GLB1: variants seen among roughly 807,000 people sequenced by gnomAD.
The protein encoded by GLB1 is galactosidase beta 1, also known as beta-galactosidase.
Under a neutral mutation model 74.0 loss-of-function variants are expected in GLB1, and 56 were observed. That is an observed-to-expected ratio of 0.76 (90% CI 0.61 to 0.94). GLB1 has a LOEUF of 0.94. Ranked by LOEUF, GLB1 falls within the 40% of genes least tolerant of loss-of-function variation. GLB1 has a pLI of 0.00. For missense variants in GLB1, 787 were observed against 845.5 expected (o/e 0.93, Z 0.86); for synonymous variants, 323 against 323.6 (o/e 1.00, Z 0.02).
intron 7 of GLB1, among the ~76,000 whole-genome samples, chr3:33,053,134 A>G (rs1359423959): frequency 2.0e-5 from 3 of 152,226 alleles, no homozygotes; most frequent in Non-Finnish European, 4.4e-5. Context: ...CACTGGCTAT[A>G]TGACCCTGGC....
chr3:33,091,417 C>T, intron 1 of GLB1: 2 of 985,550 alleles, frequency 2.0e-6, no homozygotes, highest in Non-Finnish European at 2.4e-6. Flanking sequence ...TGCTTTGACA[C>T]ATCACCTGCC....
chr3:32,999,620 C>T (rs994478297), intron 15 of GLB1, among the ~76,000 whole-genome samples: 1 of 152,088 alleles, frequency 6.6e-6, no homozygotes, highest in Non-Finnish European at 1.5e-5. Flanking sequence ...TCTGGGTTAG[C>T]GTTGGTCAGA....
chr3:33,090,945 A>C (rs1700733000), intron 1 of GLB1: 2 of 985,266 alleles, frequency 2.0e-6, no homozygotes, highest in African/African-American at 3.5e-5. Context: ...AATAGGACTT[A>C]ATGAAAGCTA....
chr3:33,063,088 G>A (rs2125539890), intron 5 of GLB1, among the ~76,000 whole-genome samples: 1 of 152,262 alleles, frequency 6.6e-6, no homozygotes, highest in Middle Eastern at 3.4e-3. Flanking sequence ...CAGACAGAAG[G>A]AACACGTATA....
downstream of GLB1, among the ~76,000 whole-genome samples, chr3:32,993,111 A>T (rs1194595390): frequency 1.3e-5 from 2 of 152,240 alleles, no homozygotes; most frequent in African/African-American, 4.8e-5. Flanking sequence ...TAAAGGAGAG[A>T]AATAAAGACC....
intron 15 of GLB1, among the ~76,000 whole-genome samples, chr3:33,006,708 A>G (rs929234491): frequency 5.3e-4 from 80 of 152,326 alleles, no homozygotes; most frequent in African/African-American, 1.9e-3. Flanking sequence ...CGACTCAAGT[A>G]AAGCCAGTGT....
At chr3:33,074,385 G>GAAAGA (rs1338351259) in intron 1 of GLB1, among the ~76,000 whole-genome samples, 17 of 19,870 alleles carry the variant, frequency 8.6e-4, no homozygotes, top group South Asian at 3.3e-3. Flanking sequence ...AGGAAGGAAG[G>GAAAGA]AAGGAAGAAA....
In GLB1 at chr3:33,046,179, G is replaced by A. The variant is rs376034559; in HGVS notation, c.1009C>T (p.Leu337=). The change falls in exon 10 of 16, where the codon CTG becomes TTG. Residue 337 remains leucine (L), a synonymous_variant. Coordinates refer to ENST00000307363, the MANE Select transcript of GLB1 (RefSeq NM_000404.4). The part of the protein sequence containing the change: ...QPTSYDYDAP[L]SEAGDLTEKY... Reference sequence around the variant, plus strand: ...TCAGTGAGGTCCCCAGCCTCACTCAGTGGGGCATCATAGTCGTAGCTGGTG... The same window carrying A: ...TCAGTGAGGTCCCCAGCCTCACTCAATGGGGCATCATAGTCGTAGCTGGTG... 5.6e-6 allele frequency: 9 copies of A among 1,613,928 alleles called. No homozygotes were observed. The African/African-American group carries it at 1.2e-4, about 22-fold the overall frequency.
At chr3:33,021,805 C>G in intron 11 of GLB1, 150 bp from the exon 12 acceptor site, 1 of 866,946 alleles carries the variant, frequency 1.2e-6, no homozygotes, top group Non-Finnish European at 1.9e-6. Flanking sequence ...GTATTGCTTC[C>G]CAGTCTCCTT....
chr3:33,028,669 T>A (rs543201055), intron 10 of GLB1, among the ~76,000 whole-genome samples: 52 of 144,690 alleles, frequency 3.6e-4, no homozygotes, highest in East Asian at 3.1e-3. Context: ...CCCAAAAATT[T>A]TTTTTTTTTT....
At chr3:33,071,687 C>G (rs1230817669) in intron 2 of GLB1, among the ~76,000 whole-genome samples, 2 of 148,480 alleles carry the variant, frequency 1.3e-5, no homozygotes. Flanking sequence ...CTGGCCTTCT[C>G]CTGCTCTTCT....
At chr3:33,041,024 G>C (rs1290892366) in intron 10 of GLB1, among the ~76,000 whole-genome samples, 1 of 152,122 alleles carries the variant, frequency 6.6e-6, no homozygotes, top group Non-Finnish European at 1.5e-5. Flanking sequence ...CAGAGAAAAA[G>C]AGATTACGAG....
the GLB1 span, among the ~76,000 whole-genome samples, chr3:32,969,286 A>G: frequency 2.0e-5 from 3 of 152,200 alleles, no homozygotes; most frequent in Non-Finnish European, 4.4e-5. Context: ...AGGCCAAAAG[A>G]CAAATATTTA....
intron 15 of GLB1, among the ~76,000 whole-genome samples, chr3:33,006,453 A>G (rs1268400294): frequency 6.6e-6 from 1 of 151,946 alleles, no homozygotes; most frequent in East Asian, 1.9e-4. Flanking sequence ...CCATGGAAAC[A>G]GTGTCTTCCA....
intron 9 of GLB1, 90 bp downstream of exon 9, chr3:33,051,668 A>G: frequency 6.3e-7 from 1 of 1,584,322 alleles, no homozygotes; most frequent in Non-Finnish European, 8.6e-7. Flanking sequence ...AAAAAAAGGA[A>G]AATAAAATTG....
chr3:33,096,145 A>T (rs1276241400), intron 1 of GLB1, among the ~76,000 whole-genome samples: 4 of 151,980 alleles, frequency 2.6e-5, no homozygotes, highest in African/African-American at 9.7e-5. Context: ...GCCCACCTAC[A>T]CCCTGGAGGA....
At chr3:33,025,881 G>A (rs967009511) in intron 10 of GLB1, among the ~76,000 whole-genome samples, 1 of 152,176 alleles carries the variant, frequency 6.6e-6, no homozygotes, top group Admixed American at 6.5e-5. Flanking sequence ...AGCCTCTGCC[G>A]CTGTTGACCC....
the GLB1 span, among the ~76,000 whole-genome samples, chr3:32,982,469 CAAAACA>C: frequency 0.11 from 16,289 of 149,256 alleles, 1,110 homozygotes; most frequent in African/African-American, 0.2. Flanking sequence ...CAGACATTAC[CAAAACA>C]AAAACAAAAA....
intron 1 of GLB1, among the ~76,000 whole-genome samples, chr3:33,078,108 G>A (rs947034366): frequency 1.2e-4 from 18 of 152,064 alleles, no homozygotes; most frequent in Admixed American, 4.6e-4. Flanking sequence ...AGCTGGTGTG[G>A]TGGCAGGCAC....
Sources: allele counts gnomAD v4.1 joint callset (sites outside exome capture counted in the v4.1 genomes callset), GRCh38; gene constraint gnomAD v4.1.1; transcripts MANE v1.5; gene names NCBI Gene and HGNC (gene_info 2026-07-23, HGNC 2026-07-21).